The following SEMA3D variants were observed in gnomAD, a reference collection of about 807,000 sequenced individuals.
The protein encoded by SEMA3D is semaphorin-3D.
SEMA3D carries 84 observed loss-of-function variants against 100.1 expected under a neutral mutation model. That is an observed-to-expected ratio of 0.84 (90% confidence interval 0.70 to 1.01). The LOEUF is 1.01. Ranked by LOEUF, SEMA3D falls within the 50% of genes least tolerant of loss-of-function variation. The probability of loss-of-function intolerance (pLI) is 0.00; values close to 1 mark genes in which losing one functional copy is unlikely to be tolerated. For missense variants in SEMA3D, 875 were observed against 934.1 expected (o/e 0.94, Z 0.82); for synonymous variants, 312 against 320.7 (o/e 0.97, Z 0.29).
In SEMA3D at chr7:85,022,558, T is replaced by A; in HGVS notation, c.1247A>T (p.Asp416Val). ...LIKSTRDFPD[D>V]VISFIKRHSV... ...GTGCCGCTTTATGAAACTGATGACA[T>A]CATCTGGAAAATCTCGGGTGGACTT... The change falls in exon 13 of 19, where the codon GAT (aspartate) becomes GTT (valine). Residue 416 changes from aspartate to valine, a missense_variant. Transcript: ENST00000284136. The A allele has an allele frequency of 6.2e-7, 1 of 1,612,606 alleles. No homozygotes were observed. The highest frequency in any genetic ancestry group is 8.5e-7 in the Non-Finnish European group (1 of 1,179,016).
At chr7:85,150,451 TAC>T (rs994385450) in intron 2 of SEMA3D, among the ~76,000 whole-genome samples, 5 of 142,640 alleles carry the variant, frequency 3.5e-5, no homozygotes, top group African/African-American at 1.0e-4. Context: ...GATATATATA[TAC>T]ACACACACAT....
chr7:85,172,160 T>G (rs2116550336), intron 1 of SEMA3D, among the ~76,000 whole-genome samples: 1 of 152,140 alleles, frequency 6.6e-6, no homozygotes, highest in African/African-American at 2.4e-5. Flanking sequence ...GTAGAGTGAT[T>G]ATTTAGAAAT....
At chr7:85,160,038 CT>C in intron 1 of SEMA3D, 1 of 949,054 alleles carries the variant, frequency 1.1e-6, no homozygotes. Context: ...AAAAACTGAA[CT>C]GTTATTTTAT....
At chr7:85,059,000 A>G (rs926393574) in intron 8 of SEMA3D, among the ~76,000 whole-genome samples, 1 of 152,210 alleles carries the variant, frequency 6.6e-6, no homozygotes, top group Non-Finnish European at 1.5e-5. Flanking sequence ...GACATGGCTA[A>G]AGAGAATGCA....
chr7:85,037,412 C>T (rs1052091425), intron 11 of SEMA3D, among the ~76,000 whole-genome samples: 30 of 152,042 alleles, frequency 2.0e-4, no homozygotes, highest in Non-Finnish European at 1.2e-4. Flanking sequence ...TATTTATTTA[C>T]ATGTTCTTCC....
At chr7:85,075,478 A>G (rs1385674408) in intron 5 of SEMA3D, among the ~76,000 whole-genome samples, 8 of 151,586 alleles carry the variant, frequency 5.3e-5, no homozygotes, top group African/African-American at 1.7e-4. Context: ...TCACTTTTCT[A>G]GGAGTATTTT....
rs1347220666 is a variant in SEMA3D at position 85,121,831 on chromosome 7, C to A, written c.61G>T (p.Ala21Ser). 5 of 1,608,056 alleles carry A rather than the reference C, an allele frequency of 3.1e-6. No homozygotes were observed. The African/African-American group carries it at 5.4e-5, about 17-fold the overall frequency. Residue 21 changes from alanine to serine, a missense_variant, in exon 3 of 19, where the codon GCT becomes TCT. Coordinates refer to ENST00000284136, the MANE Select transcript of SEMA3D (RefSeq NM_001384900.1). ...ATGGTCATGCTTAGCATCATCAAAG[C>A]AGGAAAAAGGTGAAAATCTTGGCTT... ...ARSQDFHLFP[A>S]LMMLSMTMLF...
chr7:85,084,942 C>A (rs1298311167), intron 4 of SEMA3D, among the ~76,000 whole-genome samples: 1 of 152,148 alleles, frequency 6.6e-6, no homozygotes, highest in African/African-American at 2.4e-5. Context: ...GCCTCCAACT[C>A]CATTCATGTT....
intron 1 of SEMA3D, among the ~76,000 whole-genome samples, chr7:85,164,599 A>G (rs1354763210): frequency 6.6e-6 from 1 of 152,148 alleles, no homozygotes; most frequent in Non-Finnish European, 1.5e-5. Context: ...CAATTACTTC[A>G]TCTGGTGCTG....
chr7:85,217,910 C>T, the SEMA3D span, among the ~76,000 whole-genome samples: 1 of 152,180 alleles, frequency 6.6e-6, no homozygotes, highest in African/African-American at 2.4e-5. Flanking sequence ...ATCTCAAGTA[C>T]TCTCTGGTGT....
the SEMA3D span, among the ~76,000 whole-genome samples, chr7:85,219,373 A>G: frequency 0.16 from 24,593 of 152,058 alleles, 2,423 homozygotes; most frequent in Non-Finnish European, 0.23. Flanking sequence ...GTGAACACCA[A>G]TTATATTTTA....
chr7:85,199,108 A>G, the SEMA3D span, among the ~76,000 whole-genome samples: 8 of 151,930 alleles, frequency 5.3e-5, no homozygotes, highest in Non-Finnish European at 1.0e-4. Flanking sequence ...TTTAATGTCT[A>G]GTTTTTAATT....
intron 5 of SEMA3D, among the ~76,000 whole-genome samples, chr7:85,077,944 C>G (rs1787932391): frequency 6.6e-6 from 1 of 151,894 alleles, no homozygotes; most frequent in South Asian, 2.1e-4. Flanking sequence ...AAACTTCTAA[C>G]AATAGGGGAT....
chr7:85,125,678 C>A (rs1290188403), intron 2 of SEMA3D, among the ~76,000 whole-genome samples: 2 of 151,960 alleles, frequency 1.3e-5, no homozygotes, highest in Non-Finnish European at 2.9e-5. Context: ...TTTTTCTTCC[C>A]AACAATCCTA....
chr7:85,240,137 C>A, the SEMA3D span, among the ~76,000 whole-genome samples: 1 of 152,076 alleles, frequency 6.6e-6, no homozygotes, highest in Non-Finnish European at 1.5e-5. Flanking sequence ...ATGATGTTCA[C>A]TATAGGCTTT....
chr7:85,162,184 C>T (rs1790765737), intron 1 of SEMA3D, among the ~76,000 whole-genome samples: 1 of 151,928 alleles, frequency 6.6e-6, no homozygotes, highest in South Asian at 2.1e-4. Flanking sequence ...TTCTGAGCAG[C>T]CAAAGTCAAG....
At chr7:85,000,633 T>A (rs1464238175) in intron 18 of SEMA3D, among the ~76,000 whole-genome samples, 2 of 152,178 alleles carry the variant, frequency 1.3e-5, no homozygotes, top group Non-Finnish European at 2.9e-5. Flanking sequence ...TGCCTTTGTA[T>A]GCTATGACAT....
At chr7:85,186,445 G>A (rs575738745) in intron 1 of SEMA3D, among the ~76,000 whole-genome samples, 3 of 152,150 alleles carry the variant, frequency 2.0e-5, no homozygotes, top group African/African-American at 7.2e-5. Flanking sequence ...GTGGGACTGC[G>A]CCCCAGGGGC....
chr7:85,035,617 C>A (rs998771650), intron 12 of SEMA3D, among the ~76,000 whole-genome samples: 2 of 151,898 alleles, frequency 1.3e-5, no homozygotes, highest in Admixed American at 1.3e-4. Flanking sequence ...TCAATGCACA[C>A]AAAGTTTCTG....
Sources: gnomAD v4.1 joint callset for allele counts (sites outside exome capture counted in the v4.1 genomes callset) on GRCh38, gnomAD v4.1.1 for gene constraint, MANE v1.5 for transcripts, NCBI Gene and HGNC (gene_info 2026-07-23, HGNC 2026-07-21) for gene names.